Variants in NASP observed in about 807,000 individuals in gnomAD.
NASP encodes NASP histone chaperone.
Under a neutral mutation model 89.5 loss-of-function variants are expected in NASP, and 24 were observed. The ratio of observed to expected loss-of-function variants is 0.27; its 90% CI spans 0.19 to 0.38. The LOEUF is 0.38. Among genes scored for constraint, NASP ranks in the 10% least tolerant of loss-of-function variants. NASP has a pLI of 1.00. For missense variants in NASP, 848 were observed against 921.4 expected (o/e 0.92, Z 1.03); for synonymous variants, 306 against 324.7 (o/e 0.94, Z 0.62).
intron 2 of NASP, among the ~76,000 whole-genome samples, chr1:45,595,669 GTTACC>G (rs1643678451): frequency 1.3e-5 from 2 of 152,220 alleles, no homozygotes; most frequent in African/African-American, 2.4e-5. Flanking sequence ...TAAACCTGCT[GTTACC>G]TTAACATAAA....
intron 6 of NASP, 127 bp downstream of exon 6, chr1:45,608,464 G>GA: frequency 4.3e-6 from 4 of 928,586 alleles, no homozygotes; most frequent in African/African-American, 1.7e-5. Context: ...AGGGCTAAAT[G>GA]AAAAGGGGGG....
Position 45,618,430 on chromosome 1 carries a change from T to C in NASP, c.*289T>C. 4.1e-6 allele frequency: 1 copy of C among 243,824 alleles called. No individual in the cohort carries two copies. The highest frequency in any genetic ancestry group is 8.9e-5 in the East Asian group (1 of 11,248). 15.1% of individuals were successfully genotyped at this position (243,824 alleles called of 1,614,324 possible). A position where few individuals can be genotyped will look rare whatever the true frequency, so the allele number is the denominator to read the frequency against. ...GTGGCTGTAGGCCTTTGTTTTCCAA[T>C]GGTGCTATATTCTGTTTTCAAACAC... On this transcript the variant is annotated 3_prime_UTR_variant, in exon 15 of 15. Transcript: ENST00000350030.
In NASP at chr1:45,608,028, G is replaced by A. The variant is rs779010152; in HGVS notation, c.1117G>A (p.Val373Ile). 6 of 1,614,026 alleles carry A rather than the reference G, an allele frequency of 3.7e-6. 1 individual carries two copies. In the East Asian group the frequency reaches 6.7e-5, roughly 18 times the overall value. ...VSEKPGQEAPVLPKDGAVNGP... is the reference protein window; with the variant it reads ...VSEKPGQEAPILPKDGAVNGP... ...TGAAAAGCCTGGGCAGGAGGCTCCA[G>A]TTCTCCCTAAGGATGGTGCAGTCAA... Residue 373 changes from valine to isoleucine, a missense_variant, in exon 6 of 15, where the codon GTT (valine) becomes ATT (isoleucine). Around this residue, in one of 5 missense-constraint regions of NASP, gnomAD observed 464 missense variants for 469.4 expected, o/e 0.99. Coordinates refer to ENST00000350030, the MANE Select transcript of NASP (RefSeq NM_002482.4).
chr1:45,590,430 C>T (rs1231860461), intron 1 of NASP, among the ~76,000 whole-genome samples: 4 of 151,148 alleles, frequency 2.6e-5, no homozygotes, highest in Non-Finnish European at 5.9e-5. Flanking sequence ...CAGGCACCGG[C>T]CTGGCACCAG....
chr1:45,594,760 T>C, intron 2 of NASP: 1 of 454,720 alleles, frequency 2.2e-6, no homozygotes, highest in Non-Finnish European at 4.4e-6. Flanking sequence ...CCACCTGAAG[T>C]GCTGGGATTA....
At chr1:45,617,319 G>A in intron 13 of NASP, 144 bp from the exon 14 acceptor site, 1 of 893,194 alleles carries the variant, frequency 1.1e-6, no homozygotes, top group Non-Finnish European at 1.7e-6. Flanking sequence ...GTTGGCATCT[G>A]CCTGTGGCTA....
At chr1:45,584,831 T>C (rs1043829111) in intron 1 of NASP, among the ~76,000 whole-genome samples, 36 of 152,168 alleles carry the variant, frequency 2.4e-4, no homozygotes, top group Non-Finnish European at 3.4e-4. Context: ...ACTATCTCCG[T>C]GGGGCCGGCG....
intron 2 of NASP, among the ~76,000 whole-genome samples, chr1:45,592,303 C>T (rs891042085): frequency 3.9e-5 from 6 of 151,912 alleles, no homozygotes; most frequent in Non-Finnish European, 5.9e-5. Flanking sequence ...TTTTTCGAAG[C>T]GGAGTCTTGC....
chr1:45,615,731 G>T, intron 11 of NASP: 2 of 408,062 alleles, frequency 4.9e-6, no homozygotes, highest in Non-Finnish European at 8.8e-6. Context: ...AATACAGGTT[G>T]AGTATCCTTA....
intron 3 of NASP, 49 bp downstream of exon 3, chr1:45,602,414 C>A: frequency 1.3e-6 from 2 of 1,522,716 alleles, no homozygotes; most frequent in Non-Finnish European, 1.8e-6. Flanking sequence ...TCTAATAAAC[C>A]TTGAGTTATC....
chr1:45,614,830 C>T (rs1279297143), intron 9 of NASP, 183 bp from the exon 10 acceptor site: 8 of 584,476 alleles, frequency 1.4e-5, no homozygotes, highest in East Asian at 9.2e-5. Context: ...AGCCACCACG[C>T]CCAGCCTCAG....
chr1:45,586,296 T>TGTGTGTGTG (rs1644547071), intron 1 of NASP, among the ~76,000 whole-genome samples: 3 of 93,610 alleles, frequency 3.2e-5, no homozygotes, highest in African/African-American at 9.1e-5. Context: ...TGTGTGTGTG[T>TGTGTGTGTG]GTGTGTGTGT....
rs1644143181 is a variant in NASP, at chr1:45,618,278, T to C, written c.*137T>C. On this transcript the variant is annotated 3_prime_UTR_variant, in exon 15 of 15. Transcript: ENST00000350030. ...AGGCTTTGATGGTTTTTTTCTTAAT[T>C]ATTGGCTGAATCTGCCTTGGAGCAC... 3 of 709,016 alleles carry C rather than the reference T, an allele frequency of 4.2e-6. No homozygotes were observed. Among genetic ancestry groups the C allele is most frequent in the East Asian group, 6.0e-5 (2 of 33,540 alleles). The allele number at this position is 709,016 out of a possible 1,614,324, so 43.9% of individuals were successfully genotyped here. A position where few individuals can be genotyped will look rare whatever the true frequency, so the allele number is the denominator to read the frequency against.
chr1:45,587,316 A>C (rs1051205294), intron 1 of NASP, among the ~76,000 whole-genome samples: 2 of 151,782 alleles, frequency 1.3e-5, no homozygotes, highest in South Asian at 4.2e-4. Flanking sequence ...CCTCCCAAGT[A>C]GCTGGGACTG....
At chr1:45,613,851 T>C (rs1000133554) in intron 7 of NASP, among the ~76,000 whole-genome samples, 1 of 152,006 alleles carries the variant, frequency 6.6e-6, no homozygotes, top group Non-Finnish European at 1.5e-5. Flanking sequence ...TATTCATGCC[T>C]AGGATGGGTG....
rs746425170 is a variant in NASP at position 45,607,755 on chromosome 1, C to G, written c.844C>G (p.Pro282Ala). 1.9e-6 allele frequency: 3 copies of G among 1,614,056 alleles called. No individual in the cohort carries two copies. The highest frequency in any genetic ancestry group is 2.5e-6 in the Non-Finnish European group (3 of 1,180,006). The change falls in exon 6 of 15, where the codon CCT (proline) becomes GCT (alanine). Residue 282 changes from proline to alanine, a missense_variant. Transcript: ENST00000350030. ...EKPKEVSEEQ[P>A]VVTLEKQGTA... is the part of the protein sequence containing the mutation. ...GCCAAAAGAAGTTTCAGAAGAGCAG[C>G]CTGTGGTGACTCTAGAAAAGCAGGG... is the stretch of plus-strand genomic sequence containing the variant.
In NASP at chr1:45,607,484, T is replaced by G; in HGVS notation, c.573T>G (p.Ser191=). The change falls in exon 6 of 15, where the codon TCT becomes TCG. Residue 191 remains serine (S), a synonymous_variant. Coordinates refer to ENST00000350030, the MANE Select transcript of NASP (RefSeq NM_002482.4). ...GAGAAGATATGGATATAAGTAAATC[T>G]GCAGAGGAGCCACAGGAAAAAGTTG... ...GGREDMDISK[S]AEEPQEKVDL... is the part of the protein sequence containing the mutation. The G allele has an allele frequency of 6.2e-7, 1 of 1,613,888 alleles. No homozygotes were observed.
chr1:45,587,714 G>C (rs1053824439), intron 1 of NASP, among the ~76,000 whole-genome samples: 1 of 80,892 alleles, frequency 1.2e-5, no homozygotes, highest in Non-Finnish European at 2.5e-5. Context: ...AGAGAGTCTT[G>C]TTGTCTTGCC....
chr1:45,604,945 G>A lies in NASP; in HGVS notation c.228G>A (p.Lys76=). The A allele has an allele frequency of 6.2e-7, 1 of 1,610,162 alleles. No homozygotes were observed. Among genetic ancestry groups the A allele is most frequent in the East Asian group, 2.2e-5 (1 of 44,780 alleles). ...TTTATTCTCTTTGTAGAGGTAAGAA[G>A]TATGGAGAGACAGCTAATGAGTGTG... The part of the protein sequence containing the change: ...FQEAASLLGK[K]YGETANECGE... The change falls in exon 4 of 15, where the codon AAG becomes AAA. Residue 76 remains lysine (K), a synonymous_variant. Coordinates refer to ENST00000350030, the MANE Select transcript of NASP (RefSeq NM_002482.4).
Sources: gnomAD v4.1 joint callset for allele counts (sites outside exome capture counted in the v4.1 genomes callset) on GRCh38, gnomAD v4.1.1 for gene constraint, gnomAD v4.1.1 regional missense constraint, MANE v1.5 for transcripts, NCBI Gene and HGNC (gene_info 2026-07-23, HGNC 2026-07-21) for gene names.